The following CEP112 variants were observed in gnomAD, a reference collection of about 807,000 sequenced individuals.
CEP112 encodes the protein centrosomal protein 112, also known as centrosomal protein of 112 kDa.
Under a neutral mutation model 153.0 loss-of-function variants are expected in CEP112, and 127 were observed. That is an observed-to-expected ratio of 0.83 (90% CI 0.72 to 0.96). The LOEUF is 0.96. Ranked by LOEUF, CEP112 falls within the 40% of genes least tolerant of loss-of-function variation. CEP112 has a pLI of 0.00. For synonymous variants in CEP112, 358 were observed against 374.4 expected, an observed-to-expected ratio of 0.96 and a Z score of 0.51; for missense variants, 1,089 against 1,101.2, an observed-to-expected ratio of 0.99 and a Z score of 0.16.
At chr17:66,016,749 T>A (rs1209774045) in intron 16 of CEP112, among the ~76,000 whole-genome samples, 1 of 152,196 alleles carries the variant, frequency 6.6e-6, no homozygotes, top group African/African-American at 2.4e-5. Flanking sequence ...ACTGTTGATT[T>A]TTTTTTTCTG....
chr17:66,074,691 C>T (rs369646392), intron 8 of CEP112, among the ~76,000 whole-genome samples: 1 of 151,716 alleles, frequency 6.6e-6, no homozygotes, highest in East Asian at 1.9e-4. Flanking sequence ...GGTGAAACCC[C>T]GTCTCTACTA....
intron 21 of CEP112, among the ~76,000 whole-genome samples, chr17:65,787,634 A>C (rs114656405): frequency 3.3e-5 from 5 of 152,314 alleles, no homozygotes; most frequent in African/African-American, 1.2e-4. Context: ...AATTTCTTTT[A>C]AAACAGTTAA....
chr17:66,146,664 A>T (rs1028544968), intron 4 of CEP112, among the ~76,000 whole-genome samples: 3 of 152,020 alleles, frequency 2.0e-5, no homozygotes, highest in Admixed American at 6.6e-5. Context: ...TTAAACAATA[A>T]CTCCCTATTC....
In CEP112 at chr17:65,902,279, T is replaced by C. The variant is rs765756567; in HGVS notation, c.2036A>G (p.His679Arg). 2 of 1,614,056 alleles carry C rather than the reference T, an allele frequency of 1.2e-6. No individual in the cohort carries two copies. The highest frequency in any genetic ancestry group is 1.7e-6 in the Non-Finnish European group (2 of 1,179,998). ...GACTAGGCTATCCTTCTCTGCGTTATGCTGCTGTAATAGGTGCGTCTTCTC... is the reference window on the plus strand; with the variant it reads ...GACTAGGCTATCCTTCTCTGCGTTACGCTGCTGTAATAGGTGCGTCTTCTC... ...EQEKTHLLQQHNAEKDSLVRD... is the reference protein window; with the variant it reads ...EQEKTHLLQQRNAEKDSLVRD... Residue 679 changes from histidine (H) to arginine (R), a missense_variant, in exon 20 of 27, where the codon CAT (histidine) becomes CGT (arginine). Physicochemically the swap from His to Arg is conservative, Grantham distance 29. Coordinates refer to ENST00000535342, the MANE Select transcript of CEP112 (RefSeq NM_001199165.4).
chr17:65,799,209 C>G (rs1392670143), intron 21 of CEP112, among the ~76,000 whole-genome samples: 1 of 152,074 alleles, frequency 6.6e-6, no homozygotes, highest in East Asian at 1.9e-4. Flanking sequence ...TATTTTCTTT[C>G]CCCTCCAATT....
At chr17:65,971,649 G>T (rs550193090) in intron 17 of CEP112, among the ~76,000 whole-genome samples, 10 of 129,284 alleles carry the variant, frequency 7.7e-5, no homozygotes, top group Admixed American at 3.8e-4. Flanking sequence ...TATATTGCAT[G>T]CATGTCACAT....
At chr17:65,667,670 A>G (rs1313660416) in intron 24 of CEP112, among the ~76,000 whole-genome samples, 2 of 152,144 alleles carry the variant, frequency 1.3e-5, no homozygotes, top group Non-Finnish European at 2.9e-5. Context: ...AGGTACAGGT[A>G]TATAGTATTT....
At chr17:66,089,049 A>T (rs2146230207) in intron 8 of CEP112, among the ~76,000 whole-genome samples, 1 of 151,988 alleles carries the variant, frequency 6.6e-6, no homozygotes, top group South Asian at 2.1e-4. Context: ...ACATCTACCC[A>T]GTGGATCCAG....
chr17:66,176,757 C>T, intron 3 of CEP112, 73 bp downstream of exon 3: 1 of 1,164,698 alleles, frequency 8.6e-7, no homozygotes, highest in Non-Finnish European at 1.2e-6. Flanking sequence ...TATTACCATT[C>T]CCCAAAGGGA....
intron 17 of CEP112, among the ~76,000 whole-genome samples, chr17:65,975,748 T>C (rs2063009578): frequency 6.6e-6 from 1 of 152,216 alleles, no homozygotes; most frequent in Admixed American, 6.5e-5. Context: ...AAGCCTTTTT[T>C]GGAATATTCT....
chr17:66,132,385 C>G (rs899870343), intron 5 of CEP112, among the ~76,000 whole-genome samples: 1 of 152,042 alleles, frequency 6.6e-6, no homozygotes, highest in African/African-American at 2.4e-5. Context: ...GGTATATAAT[C>G]ATTTCCACAT....
intron 6 of CEP112, among the ~76,000 whole-genome samples, chr17:66,100,243 CA>C (rs915328694): frequency 9.2e-5 from 14 of 151,410 alleles, no homozygotes; most frequent in Non-Finnish European, 1.6e-4. Flanking sequence ...ACTAAAAATA[CA>C]AAAAAATTAG....
chr17:65,653,363 C>G (rs900776471), intron 24 of CEP112, among the ~76,000 whole-genome samples: 2 of 152,198 alleles, frequency 1.3e-5, no homozygotes, highest in Admixed American at 1.3e-4. Flanking sequence ...TATACTTCTA[C>G]TCCTTGTGGA....
At chr17:65,786,970 G>T (rs567272163) in intron 21 of CEP112, among the ~76,000 whole-genome samples, 1 of 152,130 alleles carries the variant, frequency 6.6e-6, no homozygotes, top group East Asian at 1.9e-4. Flanking sequence ...CTTAACAAAA[G>T]AATATTATGC....
intron 21 of CEP112, among the ~76,000 whole-genome samples, chr17:65,751,913 A>G (rs2051877214): frequency 6.6e-6 from 1 of 152,116 alleles, no homozygotes; most frequent in Non-Finnish European, 1.5e-5. Context: ...CAGGTGCTCC[A>G]CCAGTGAGAG....
chr17:66,012,893 C>T (rs8082636), intron 16 of CEP112, among the ~76,000 whole-genome samples: 78,158 of 151,768 alleles, frequency 0.51, 21,031 homozygotes, highest in African/African-American at 0.59. Context: ...CACATAATCC[C>T]GTATTTCTCT....
chr17:66,029,004 A>G, intron 14 of CEP112, 119 bp downstream of exon 14: 1 of 791,674 alleles, frequency 1.3e-6, no homozygotes, highest in Non-Finnish European at 1.9e-6. Context: ...CTGTTAATTT[A>G]AGAATAAAGT....
At chr17:65,886,672 T>C (rs757368367) in intron 20 of CEP112, among the ~76,000 whole-genome samples, 34 of 152,228 alleles carry the variant, frequency 2.2e-4, no homozygotes, top group Non-Finnish European at 4.1e-4. Context: ...ACAATTCACA[T>C]GTGGTAGTTA....
intron 21 of CEP112, among the ~76,000 whole-genome samples, chr17:65,754,388 C>T (rs1471879004): frequency 1.3e-5 from 2 of 152,130 alleles, no homozygotes; most frequent in Non-Finnish European, 2.9e-5. Context: ...GCTGGCAGAT[C>T]ACTTTAGGCC....
Sources: gnomAD v4.1 joint callset for allele counts (sites outside exome capture counted in the v4.1 genomes callset) on GRCh38, gnomAD v4.1.1 for gene constraint, MANE v1.5 for transcripts, NCBI Gene and HGNC (gene_info 2026-07-23, HGNC 2026-07-21) for gene names.